Variants in DDAH1 observed in about 807,000 individuals in gnomAD.
DDAH1 encodes the protein dimethylarginine dimethylaminohydrolase 1.
A neutral mutation model predicts 28.8 loss-of-function variants in DDAH1; 19 were observed. The ratio of observed to expected loss-of-function variants is 0.66; its 90% CI spans 0.46 to 0.97. DDAH1 has a LOEUF of 0.97. Among genes scored for constraint, DDAH1 ranks in the 50% least tolerant of loss-of-function variants. The pLI is 0.00. For synonymous variants in DDAH1, 153 were observed against 154.4 expected (o/e 0.99, Z 0.07); for missense variants, 326 against 375.9 (o/e 0.87, Z 1.10).
chr1:85,513,941 G>A (rs1657348581), intron 1 of DDAH1, among the ~76,000 whole-genome samples: 1 of 152,236 alleles, frequency 6.6e-6, no homozygotes, highest in Non-Finnish European at 1.5e-5. Context: ...GGAAGACAGT[G>A]TGGCGATTCC....
Position 85,327,961 on chromosome 1 carries a change from C to T in DDAH1, c.598-3078G>A, listed in dbSNP as rs190045062. On this transcript the variant is annotated intron_variant, in intron 4 of 5. Transcript: ENST00000284031. ...TCTTCATTCCTTTCACCTTTTTAAACGCTACAGAGAACCTCAGGAGGGCAC... is the reference window on the plus strand; with the variant it reads ...TCTTCATTCCTTTCACCTTTTTAAATGCTACAGAGAACCTCAGGAGGGCAC... 9.2e-5 allele frequency among the ~76,000 whole-genome samples: 14 copies of T among 152,296 alleles called. No homozygotes were observed. In the East Asian group the frequency reaches 1.9e-3, roughly 21 times the overall value.
intron 1 of DDAH1, chr1:85,379,580 C>T: frequency 2.0e-6 from 2 of 985,088 alleles, no homozygotes; most frequent in African/African-American, 1.7e-5. Context: ...GGAACACTTA[C>T]ATAACTTGTG....
At chr1:85,575,173 G>A (rs1659567970) in intron 1 of DDAH1, among the ~76,000 whole-genome samples, 1 of 152,150 alleles carries the variant, frequency 6.6e-6, no homozygotes, top group South Asian at 2.1e-4. Context: ...CAAGGCTATG[G>A]TGAGCCTAGA....
rs548505947 is a variant in DDAH1, at chr1:85,381,441, T to C, written c.304-22594A>G. 1.5e-4 allele frequency among the ~76,000 whole-genome samples: 23 copies of C among 152,064 alleles called. No homozygotes were observed. In the South Asian group the frequency reaches 4.8e-3, roughly 32 times the overall value. On this transcript the variant is annotated intron_variant, in intron 1 of 5. Coordinates refer to ENST00000284031, the MANE Select transcript of DDAH1 (RefSeq NM_012137.4). ...TATTTCTGAGATTTTGGTGCACCTG[T>C]CACCGAGAAGTATACACGTTACCCA...
chr1:85,536,073 C>A (rs1658265991), intron 1 of DDAH1, among the ~76,000 whole-genome samples: 3 of 151,392 alleles, frequency 2.0e-5, no homozygotes, highest in Non-Finnish European at 1.5e-5. Context: ...CCAGCCTGGG[C>A]AACATGGCGA....
intron 1 of DDAH1, among the ~76,000 whole-genome samples, chr1:85,519,111 T>TTTTTA (rs57677954): frequency 8.6e-6 from 1 of 115,852 alleles, no homozygotes; most frequent in Admixed American, 9.5e-5. Flanking sequence ...TTTTTTTTTT[T>TTTTTA]GAGACGGAGT....
intron 1 of DDAH1, among the ~76,000 whole-genome samples, chr1:85,508,366 T>C (rs1173177059): frequency 2.0e-5 from 3 of 152,216 alleles, no homozygotes; most frequent in African/African-American, 4.8e-5. Context: ...GATGGCCAAA[T>C]AGGAACAGCT....
chr1:85,536,200 G>C (rs1243123324), intron 1 of DDAH1, among the ~76,000 whole-genome samples: 1 of 151,798 alleles, frequency 6.6e-6, no homozygotes, highest in Admixed American at 6.6e-5. Flanking sequence ...TTGCATCACT[G>C]TACTTCAGAC....
chr1:85,569,641 A>T (rs1659395766), intron 1 of DDAH1, among the ~76,000 whole-genome samples: 1 of 152,168 alleles, frequency 6.6e-6, no homozygotes, highest in Non-Finnish European at 1.5e-5. Context: ...TCAGGGCTGC[A>T]GCTCTTGGAA....
At chr1:85,432,528 T>C (rs1653734969) in intron 1 of DDAH1, among the ~76,000 whole-genome samples, 1 of 152,222 alleles carries the variant, frequency 6.6e-6, no homozygotes, top group South Asian at 2.1e-4. Flanking sequence ...TCAGCTTTTT[T>C]CAGTAGATTC....
intron 1 of DDAH1, among the ~76,000 whole-genome samples, chr1:85,555,047 A>G (rs943665355): frequency 2.0e-5 from 3 of 152,196 alleles, no homozygotes; most frequent in African/African-American, 7.2e-5. Flanking sequence ...CAAGCAGAGC[A>G]TTTTTCAGTA....
intron 1 of DDAH1, among the ~76,000 whole-genome samples, chr1:85,561,461 G>T (rs566818355): frequency 6.6e-6 from 1 of 152,072 alleles, no homozygotes; most frequent in Non-Finnish European, 1.5e-5. Context: ...AGCTACTTTA[G>T]TTCTACCCTA....
chr1:85,341,894 C>T (rs1388935304), intron 4 of DDAH1, among the ~76,000 whole-genome samples: 1 of 152,048 alleles, frequency 6.6e-6, no homozygotes, highest in Non-Finnish European at 1.5e-5. Flanking sequence ...AGGACAATAT[C>T]ACATTAAGAT....
chr1:85,358,873 T>C (rs1203641660), intron 1 of DDAH1, 26 bp from the exon 2 acceptor site: 1 of 1,509,488 alleles, frequency 6.6e-7, no homozygotes, highest in Middle Eastern at 1.7e-4. Context: ...TGATTCAGAT[T>C]ACTATGCTAC....
At chr1:85,349,309 G>A (rs1206492604) in intron 4 of DDAH1, among the ~76,000 whole-genome samples, 2 of 152,186 alleles carry the variant, frequency 1.3e-5, no homozygotes, top group Non-Finnish European at 2.9e-5. Flanking sequence ...GGCCAGGTGA[G>A]CTAGCTCAAA....
In DDAH1 at chr1:85,350,511, T is replaced by C; in HGVS notation, c.501A>G (p.Pro167=). ...TFKDYAVSTV[P]VADGLHLKSF... The stretch of plus-strand genomic sequence containing the variant: ...TCTTCAAATGCAACCCATCTGCCAC[T>C]GGCACTGTGGAGACTGCATAGTCCT... Residue 167 remains proline (P), a synonymous_variant, in exon 4 of 6, where the codon CCA becomes CCG. Coordinates refer to ENST00000284031, the MANE Select transcript of DDAH1 (RefSeq NM_012137.4). The C allele has an allele frequency of 6.2e-7, 1 of 1,614,164 alleles. No individual in the cohort carries two copies. Among genetic ancestry groups the C allele is most frequent in the Non-Finnish European group, 8.5e-7 (1 of 1,180,012 alleles).
intron 4 of DDAH1, among the ~76,000 whole-genome samples, chr1:85,344,986 G>A (rs1306729622): frequency 1.3e-5 from 2 of 152,150 alleles, no homozygotes; most frequent in Admixed American, 6.5e-5. Context: ...GTCAATCATA[G>A]CCTACTTCCA....
chr1:85,575,986 CACTA>C (rs1659590087), intron 1 of DDAH1: 1 of 151,598 alleles, frequency 6.6e-6, no homozygotes, highest in South Asian at 2.1e-4. Context: ...GGGTGCAGCA[CACTA>C]ACATGGCACA....
rs377746010 is a variant in DDAH1, at chr1:85,324,859, G to A, written c.622C>T (p.Arg208Cys). The stretch of plus-strand genomic sequence containing the variant: ...TCAGGCACAGTGAGTTTGTCGTAGC[G>A]GTGGTCACTCATCTGTTGCATGATC... ...LKIMQQMSDH[R>C]YDKLTVPDDI... The change falls in exon 5 of 6, where the codon CGC becomes TGC. Residue 208 changes from arginine to cysteine, a missense_variant. Physicochemically the swap from Arg to Cys is radical, Grantham distance 180. Coordinates refer to ENST00000284031, the MANE Select transcript of DDAH1 (RefSeq NM_012137.4). 184 of 1,614,040 alleles carry A rather than the reference G, an allele frequency of 1.1e-4. No homozygotes were observed. Among genetic ancestry groups the A allele is most frequent in the South Asian group, 3.1e-4 (28 of 91,064 alleles).
Sources: allele counts gnomAD v4.1 joint callset (sites outside exome capture counted in the v4.1 genomes callset), GRCh38; gene constraint gnomAD v4.1.1; transcripts MANE v1.5; gene names NCBI Gene and HGNC (gene_info 2026-07-23, HGNC 2026-07-21).